The following C12orf42 variants were observed in gnomAD, a reference collection of about 807,000 sequenced individuals.
C12orf42 encodes uncharacterized protein C12orf42.
C12orf42 carries 25 observed loss-of-function variants against 21.6 expected under a neutral mutation model. The observed-to-expected ratio is 1.16, with a 90% CI of 0.84 to 1.62. The LOEUF (loss-of-function observed/expected upper bound fraction) is 1.62. Ranked by LOEUF, C12orf42 falls within the 40% of genes most tolerant of loss-of-function variation. The probability of loss-of-function intolerance (pLI) is 0.00; values close to 1 mark genes in which losing one functional copy is unlikely to be tolerated. For missense variants in C12orf42, 483 were observed against 459.3 expected, an observed-to-expected ratio of 1.05 and a Z score of -0.47; for synonymous variants, 174 against 175.0, an observed-to-expected ratio of 0.99 and a Z score of 0.05.
intron 10 of C12orf42, among the ~76,000 whole-genome samples, chr12:103,245,856 C>T (rs1334653901): frequency 6.6e-6 from 1 of 151,990 alleles, no homozygotes; most frequent in Non-Finnish European, 1.5e-5. Flanking sequence ...GATACTTGCC[C>T]AAACCAAGCC....
intron 10 of C12orf42, among the ~76,000 whole-genome samples, chr12:103,247,463 T>C (rs1434141735): frequency 6.6e-6 from 1 of 152,084 alleles, no homozygotes; most frequent in South Asian, 2.1e-4. Context: ...ATATTTCTTG[T>C]ACAGTTTCAA....
intron 2 of C12orf42, among the ~76,000 whole-genome samples, chr12:103,474,454 A>ATGTATGTGTGTGTGTG (rs1555212293): frequency 6.7e-6 from 1 of 149,282 alleles, no homozygotes; most frequent in African/African-American, 2.5e-5. Context: ...GTATGTATGT[A>ATGTATGTGTGTGTGTG]TGTGTGTGTG....
At chr12:103,428,419 A>G (rs1950011652) in intron 2 of C12orf42, among the ~76,000 whole-genome samples, 1 of 152,230 alleles carries the variant, frequency 6.6e-6, no homozygotes, top group Non-Finnish European at 1.5e-5. Flanking sequence ...TAAACCAGGA[A>G]GAAGTCGAAT....
intron 2 of C12orf42, among the ~76,000 whole-genome samples, chr12:103,421,888 C>T (rs954464720): frequency 6.6e-6 from 1 of 152,090 alleles, no homozygotes; most frequent in Non-Finnish European, 1.5e-5. Flanking sequence ...TCCTATTCGC[C>T]TGTCTTATAT....
chr12:103,139,396 G>A, the C12orf42 span, among the ~76,000 whole-genome samples: 2 of 152,118 alleles, frequency 1.3e-5, no homozygotes, highest in Non-Finnish European at 2.9e-5. Flanking sequence ...TAACTTCAGA[G>A]TTCTTGTTCT....
At chr12:103,140,282 G>C in the C12orf42 span, among the ~76,000 whole-genome samples, 1 of 152,136 alleles carries the variant, frequency 6.6e-6, no homozygotes, top group Non-Finnish European at 1.5e-5. Flanking sequence ...ATACCTTGTG[G>C]CAGGGCAGAG....
chr12:103,114,174 T>A, the C12orf42 span, among the ~76,000 whole-genome samples: 376 of 152,302 alleles, frequency 2.5e-3, 2 homozygotes, highest in Non-Finnish European at 5.6e-4. Context: ...CCATTATTGT[T>A]AAAGTGTTTC....
chr12:103,428,789 C>G (rs1950042640), intron 2 of C12orf42, among the ~76,000 whole-genome samples: 2 of 152,138 alleles, frequency 1.3e-5, no homozygotes, highest in African/African-American at 4.8e-5. Flanking sequence ...TCAGCTTCAT[C>G]CCTGGGATGC....
intron 2 of C12orf42, among the ~76,000 whole-genome samples, chr12:103,424,783 T>C (rs573196559): frequency 6.6e-5 from 10 of 152,264 alleles, no homozygotes; most frequent in Non-Finnish European, 1.5e-4. Flanking sequence ...GTTTTTGTTT[T>C]GTTTTGTTTT....
At chr12:103,054,762 C>G in the C12orf42 span, among the ~76,000 whole-genome samples, 1 of 151,834 alleles carries the variant, frequency 6.6e-6, no homozygotes, top group Non-Finnish European at 1.5e-5. Context: ...CTATTCCTAT[C>G]TTTCTGAGAG....
At chr12:103,419,011 G>T (rs886832870) in intron 2 of C12orf42, among the ~76,000 whole-genome samples, 7 of 152,040 alleles carry the variant, frequency 4.6e-5, no homozygotes, top group African/African-American at 1.7e-4. Flanking sequence ...GTCAGTCTTG[G>T]GATATCATGG....
the C12orf42 span, among the ~76,000 whole-genome samples, chr12:103,214,355 G>T: frequency 1.3e-5 from 2 of 152,150 alleles, no homozygotes; most frequent in Non-Finnish European, 2.9e-5. Flanking sequence ...ACGAAGGCTT[G>T]TTGAATGATG....
chr12:103,395,586 C>A (rs552646597), intron 3 of C12orf42, among the ~76,000 whole-genome samples: 1 of 152,254 alleles, frequency 6.6e-6, no homozygotes, highest in South Asian at 2.1e-4. Flanking sequence ...CTGCCCGCCT[C>A]GGCCTCCCAA....
Position 103,302,576 on chromosome 12 carries a change from G to A in C12orf42, c.632-17C>T, listed in dbSNP as rs895865314. ...CGGCAGAACCTGGAAGGCAAAGCAG[G>A]AAAGCAGGACAGAGATGAGGCTCAA... is the stretch of plus-strand genomic sequence containing the variant. On this transcript the variant is annotated splice_polypyrimidine_tract_variant and intron_variant, in intron 5 of 5. Coordinates refer to ENST00000548883, the MANE Select transcript of C12orf42 (RefSeq NM_198521.5). 6 of 1,593,236 alleles carry A rather than the reference G, an allele frequency of 3.8e-6. No homozygotes were observed. The highest frequency in any genetic ancestry group is 5.1e-6 in the Non-Finnish European group (6 of 1,172,592).
the C12orf42 span, among the ~76,000 whole-genome samples, chr12:103,089,101 C>CAAAAAA: frequency 9.7e-3 from 534 of 54,808 alleles, 40 homozygotes; most frequent in South Asian, 0.023. Context: ...GACTCCATCT[C>CAAAAAA]AAAAAAAAAA....
At chr12:103,219,160 A>G in the C12orf42 span, among the ~76,000 whole-genome samples, 1,723 of 152,292 alleles carry the variant, frequency 0.011, 30 homozygotes, top group African/African-American at 0.039. Context: ...TCTTTATCCA[A>G]TTTGCCAGTC....
intron 4 of C12orf42, among the ~76,000 whole-genome samples, chr12:103,352,232 T>C (rs1014288176): frequency 3.3e-5 from 5 of 152,252 alleles, no homozygotes. Context: ...AGAATTCTCC[T>C]TTACTTGTAA....
At chr12:103,070,199 C>A in the C12orf42 span, among the ~76,000 whole-genome samples, 5 of 152,162 alleles carry the variant, frequency 3.3e-5, no homozygotes, top group Admixed American at 1.3e-4. Context: ...ATGTCCAGCT[C>A]ATTTCTCTGC....
intron 4 of C12orf42, among the ~76,000 whole-genome samples, chr12:103,322,352 AT>A (rs144123105): frequency 1.0e-4 from 15 of 150,604 alleles, no homozygotes; most frequent in African/African-American, 1.5e-4. Context: ...CCTTTGATGG[AT>A]TTTTTTTTTC....
Sources: allele counts gnomAD v4.1 joint callset (sites outside exome capture counted in the v4.1 genomes callset), GRCh38; gene constraint gnomAD v4.1.1; transcripts MANE v1.5; gene names NCBI Gene and HGNC (gene_info 2026-07-23, HGNC 2026-07-21).